Variants in GRIA4 observed in about 807,000 individuals in gnomAD.
The protein encoded by GRIA4 is glutamate ionotropic receptor AMPA type subunit 4.
Under a neutral mutation model 104.0 loss-of-function variants are expected in GRIA4, and 34 were observed. The observed-to-expected ratio is 0.33, with a 90% CI of 0.25 to 0.44. GRIA4 has a LOEUF of 0.44. Ranked by LOEUF, GRIA4 falls within the 20% of genes least tolerant of loss-of-function variation. The pLI, the probability that GRIA4 is intolerant of heterozygous loss-of-function variation, is 1.00. For synonymous variants in GRIA4, 386 were observed against 381.9 expected (o/e 1.01, Z -0.13); for missense variants, 750 against 1,096.5 (o/e 0.68, Z 4.46).
chr11:105,660,952 G>A (rs1191973684), intron 3 of GRIA4, among the ~76,000 whole-genome samples: 1 of 151,542 alleles, frequency 6.6e-6, no homozygotes, highest in Non-Finnish European at 1.5e-5. Flanking sequence ...AGAAGACCTA[G>A]CTACAATTTC....
chr11:105,722,434 G>A (rs1412837997), intron 3 of GRIA4, among the ~76,000 whole-genome samples: 1 of 152,052 alleles, frequency 6.6e-6, no homozygotes, highest in Non-Finnish European at 1.5e-5. Flanking sequence ...CTTATAATCG[G>A]TTTGTGGAGA....
At chr11:105,951,703 G>A (rs1431982635) in intron 14 of GRIA4, among the ~76,000 whole-genome samples, 2 of 152,018 alleles carry the variant, frequency 1.3e-5, no homozygotes. Context: ...GAGTGGGTAT[G>A]GTGGCTCACA....
chr11:105,819,079 C>T (rs1454761962), intron 4 of GRIA4, among the ~76,000 whole-genome samples: 1 of 152,080 alleles, frequency 6.6e-6, no homozygotes, highest in Non-Finnish European at 1.5e-5. Flanking sequence ...TGGACACTGT[C>T]AGTTTATTTT....
intron 14 of GRIA4, 80 bp from the exon 15 acceptor site, chr11:105,971,834 C>T: frequency 1.1e-6 from 1 of 885,474 alleles, no homozygotes. Context: ...TGTCACTTTG[C>T]CATGCGATTC....
intron 3 of GRIA4, among the ~76,000 whole-genome samples, chr11:105,659,648 A>G (rs1435267158): frequency 6.6e-6 from 1 of 151,880 alleles, no homozygotes; most frequent in Non-Finnish European, 1.5e-5. Context: ...ACTTGCACCC[A>G]AAAGCTCCTG....
chr11:105,612,211 C>T, intron 2 of GRIA4, 65 bp from the exon 3 acceptor site: 1 of 1,460,138 alleles, frequency 6.8e-7, no homozygotes, highest in African/African-American at 1.4e-5. Flanking sequence ...TTTGACTGTG[C>T]TTGGGGTGGG....
chr11:105,724,441 C>T (rs892308065), intron 3 of GRIA4, among the ~76,000 whole-genome samples: 1 of 151,304 alleles, frequency 6.6e-6, no homozygotes, highest in Admixed American at 6.6e-5. Flanking sequence ...GAATACTATT[C>T]AGCCATGATA....
At position 105,620,815 on chromosome 11, in the gene GRIA4, TG is replaced by T. The variant is rs138168075; in HGVS notation, c.247+8382del. On this transcript the variant is annotated intron_variant, in intron 3 of 16. Coordinates refer to ENST00000282499, the MANE Select transcript of GRIA4 (RefSeq NM_000829.4). ...TACATATTTTTATAGAAAAATTATT[TG>T]ATTTCAGGATAACTGCAGATATTCA... 7.3e-3 allele frequency among the ~76,000 whole-genome samples: 1,115 copies of T among 152,022 alleles called. 11 individuals carry two copies. The highest frequency in any genetic ancestry group is 0.025 in the African/African-American group (1,052 of 41,534).
intron 10 of GRIA4, among the ~76,000 whole-genome samples, chr11:105,914,226 AT>A (rs1485036224): frequency 1.3e-5 from 2 of 151,524 alleles, no homozygotes; most frequent in Admixed American, 6.6e-5. Flanking sequence ...AGATTTACTA[AT>A]TTTTTTTCTG....
At position 105,747,760 on chromosome 11, in the gene GRIA4, C is replaced by T. The variant is rs1939749682; in HGVS notation, c.248-5221C>T. 2.0e-5 allele frequency among the ~76,000 whole-genome samples: 3 copies of T among 152,052 alleles called. No individual in the cohort carries two copies. The South Asian group carries it at 6.2e-4, about 31-fold the overall frequency. On this transcript the variant is annotated intron_variant, in intron 3 of 16. Coordinates refer to ENST00000282499, the MANE Select transcript of GRIA4 (RefSeq NM_000829.4). The stretch of plus-strand genomic sequence containing the variant: ...ATTCATACCCCTTATTTTATAATTT[C>T]ACTTCTAGCAATATATCCTAATGAA...
chr11:105,791,811 T>A (rs1942226028), intron 4 of GRIA4, among the ~76,000 whole-genome samples: 1 of 152,132 alleles, frequency 6.6e-6, no homozygotes. Context: ...CATTAGAAAT[T>A]TAATACTAAA....
At chr11:105,782,134 C>T (rs940014587) in intron 4 of GRIA4, among the ~76,000 whole-genome samples, 7 of 152,130 alleles carry the variant, frequency 4.6e-5, no homozygotes, top group East Asian at 1.9e-4. Flanking sequence ...TTACCAATAT[C>T]CCTTGAGCTG....
chr11:105,852,157 TA>T (rs1227521007), intron 4 of GRIA4, among the ~76,000 whole-genome samples: 2 of 152,180 alleles, frequency 1.3e-5, no homozygotes, highest in Admixed American at 1.3e-4. Flanking sequence ...ACTAAAGTGA[TA>T]AGTAAATGAC....
chr11:105,682,092 T>G lies in GRIA4; in HGVS notation c.247+69658T>G, dbSNP rs567909296. Among the ~76,000 whole-genome samples the G allele has an allele frequency of 1.2e-3, 186 of 152,332 alleles. 1 individual carries two copies. Among genetic ancestry groups the G allele is most frequent in the Non-Finnish European group, 2.4e-3 (166 of 68,036 alleles). Reference sequence around the variant, plus strand: ...TTTCATTGATTTCTGTTTTCTTGTTTGGCTACTAGAAAATTTGAAATTTCA... The same window carrying G: ...TTTCATTGATTTCTGTTTTCTTGTTGGGCTACTAGAAAATTTGAAATTTCA... On this transcript the variant is annotated intron_variant, in intron 3 of 16. Transcript: ENST00000282499.
intron 3 of GRIA4, among the ~76,000 whole-genome samples, chr11:105,630,014 AAAAGACAGTAGCTGCATGAGTGAGCT>A (rs1950991569): frequency 6.6e-6 from 1 of 152,236 alleles, no homozygotes; most frequent in African/African-American, 2.4e-5. Context: ...AATTCTGTAT[AAAAGACAGTAGCTGCATGAGTGAGCT>A]GGTGGCTCTT....
At chr11:105,627,139 G>C (rs1950906153) in intron 3 of GRIA4, among the ~76,000 whole-genome samples, 1 of 152,154 alleles carries the variant, frequency 6.6e-6, no homozygotes, top group Admixed American at 6.5e-5. Context: ...GTGACAATCT[G>C]CTTAGTCTTT....
intron 3 of GRIA4, among the ~76,000 whole-genome samples, chr11:105,726,203 G>A (rs1407356862): frequency 6.6e-6 from 1 of 152,094 alleles, no homozygotes; most frequent in African/African-American, 2.4e-5. Context: ...GAGCTTGGTG[G>A]GGAGAGGGGC....
intron 10 of GRIA4, 124 bp from the exon 11 acceptor site, chr11:105,918,588 C>T (rs541580989): frequency 1.7e-5 from 10 of 596,970 alleles, no homozygotes; most frequent in South Asian, 4.1e-5. Flanking sequence ...TCTAGCTACA[C>T]CAAATCAGTA....
At chr11:105,860,142 G>A (rs893031490) in intron 4 of GRIA4, among the ~76,000 whole-genome samples, 20 of 152,036 alleles carry the variant, frequency 1.3e-4, no homozygotes, top group Middle Eastern at 3.4e-3. Context: ...CTTCCTCTTC[G>A]GGGAATTTTT....
Sources: gnomAD v4.1 joint callset for allele counts (sites outside exome capture counted in the v4.1 genomes callset) on GRCh38, gnomAD v4.1.1 for gene constraint, MANE v1.5 for transcripts, NCBI Gene and HGNC (gene_info 2026-07-23, HGNC 2026-07-21) for gene names.